The following KIF6 variants were observed in gnomAD, a reference collection of about 807,000 sequenced individuals.
KIF6 encodes the protein kinesin-like protein KIF6.
In KIF6, 106 loss-of-function variants were observed where a neutral mutation model predicts 112.7. The observed-to-expected ratio is 0.94, with a 90% CI of 0.80 to 1.11. The LOEUF (loss-of-function observed/expected upper bound fraction) is 1.11, where lower values mean the gene tolerates loss of function less well. Ranked by LOEUF, KIF6 falls within the 50% of genes least tolerant of loss-of-function variation. The pLI is 0.00. For synonymous variants in KIF6, 339 were observed against 339.9 expected, an observed-to-expected ratio of 1.00 and a Z score of 0.03; for missense variants, 929 against 964.0, an observed-to-expected ratio of 0.96 and a Z score of 0.48.
chr6:39,366,765 T>G (rs1262001471), intron 16 of KIF6, among the ~76,000 whole-genome samples: 1 of 151,852 alleles, frequency 6.6e-6, no homozygotes, highest in Non-Finnish European at 1.5e-5. Flanking sequence ...CTGAAGTCAG[T>G]GAAGAAACTG....
Position 39,357,744 on chromosome 6 carries a change from C to T in KIF6, c.2083-370G>A, listed in dbSNP as rs531761587. 1.7e-4 allele frequency among the ~76,000 whole-genome samples: 26 copies of T among 152,226 alleles called. No individual in the cohort carries two copies. In the South Asian group the frequency reaches 2.5e-3, roughly 15 times the overall value. ...GATTACAGGCATGAGCCACCATACCCGGCCTTGATGTAATTCTTAAGGGGA... is the reference window on the plus strand; with the variant it reads ...GATTACAGGCATGAGCCACCATACCTGGCCTTGATGTAATTCTTAAGGGGA... On this transcript the variant is annotated intron_variant, in intron 18 of 22. Coordinates refer to ENST00000287152, the MANE Select transcript of KIF6 (RefSeq NM_145027.6).
At chr6:39,517,704 A>C (rs946594215) in intron 13 of KIF6, among the ~76,000 whole-genome samples, 9 of 152,234 alleles carry the variant, frequency 5.9e-5, no homozygotes, top group Non-Finnish European at 1.2e-4. Flanking sequence ...TGAAGTTATA[A>C]AATGAATATG....
At chr6:39,362,647 C>T in intron 16 of KIF6, 129 bp from the exon 17 acceptor site, 3 of 711,582 alleles carry the variant, frequency 4.2e-6, no homozygotes, top group East Asian at 5.0e-5. Context: ...CTTCTGGGGC[C>T]TCTTGGTGGC....
At chr6:39,656,940 GT>G (rs1206626183) in intron 3 of KIF6, among the ~76,000 whole-genome samples, 1 of 152,052 alleles carries the variant, frequency 6.6e-6, no homozygotes, top group African/African-American at 2.4e-5. Flanking sequence ...TCATAAGATT[GT>G]GTTCTTTGGC....
At chr6:39,357,159 T>C (rs1183489320) in intron 19 of KIF6, 118 bp downstream of exon 19, 5 of 643,902 alleles carry the variant, frequency 7.8e-6, no homozygotes, top group Non-Finnish European at 1.4e-5. Flanking sequence ...TAAAAGGAAT[T>C]AATCCTGCTG....
chr6:39,591,932 G>A (rs968040818), intron 7 of KIF6, among the ~76,000 whole-genome samples: 6 of 152,064 alleles, frequency 3.9e-5, no homozygotes, highest in African/African-American at 1.2e-4. Flanking sequence ...CTAACATGGT[G>A]AAACCCCATC....
At chr6:39,346,646 T>C in intron 19 of KIF6, 120 bp from the exon 20 acceptor site, 1 of 537,670 alleles carries the variant, frequency 1.9e-6, no homozygotes, top group South Asian at 2.8e-5. Context: ...ACAGTAATTT[T>C]CTTTTTTTCT....
intron 19 of KIF6, among the ~76,000 whole-genome samples, chr6:39,349,887 C>T (rs1459165770): frequency 6.6e-6 from 1 of 152,086 alleles, no homozygotes; most frequent in East Asian, 1.9e-4. Context: ...CCTCGTGATC[C>T]ACCCACCTTG....
chr6:39,720,069 T>C (rs1291365811), intron 2 of KIF6, among the ~76,000 whole-genome samples: 1 of 152,224 alleles, frequency 6.6e-6, no homozygotes, highest in Admixed American at 6.5e-5. Flanking sequence ...TAACCAAAGT[T>C]AGAAGTTTCA....
intron 16 of KIF6, among the ~76,000 whole-genome samples, chr6:39,367,852 C>T (rs1282407221): frequency 6.6e-6 from 1 of 152,184 alleles, no homozygotes; most frequent in African/African-American, 2.4e-5. Context: ...TGGTTCTCAA[C>T]TGGGGGTGCA....
rs1413215416 is a variant in KIF6, at chr6:39,702,909, A to G, written c.251+11783T>C. On this transcript the variant is annotated intron_variant, in intron 3 of 22. Transcript: ENST00000287152. ...GAAGAAATGTCATTTGCATGCAAAAATTTGACAGAGCATGGGAGTTGGATG... is the reference window on the plus strand; with the variant it reads ...GAAGAAATGTCATTTGCATGCAAAAGTTTGACAGAGCATGGGAGTTGGATG... Among the ~76,000 whole-genome samples, 2 of 152,198 alleles carry G rather than the reference A, an allele frequency of 1.3e-5. 1 individual carries two copies. The highest frequency in any genetic ancestry group is 6.3e-3 in the Middle Eastern group (2 of 316).
chr6:39,505,386 A>C (rs970609300), intron 13 of KIF6, among the ~76,000 whole-genome samples: 8 of 152,284 alleles, frequency 5.3e-5, no homozygotes, highest in African/African-American at 1.7e-4. Context: ...AAACCCCAGA[A>C]CTATAAAAAC....
chr6:39,580,400 C>A (rs954282096), intron 9 of KIF6, among the ~76,000 whole-genome samples: 3 of 151,994 alleles, frequency 2.0e-5, no homozygotes, highest in African/African-American at 7.2e-5. Flanking sequence ...CTTGGATGTT[C>A]TATGTAAGCA....
intron 13 of KIF6, among the ~76,000 whole-genome samples, chr6:39,443,623 T>C (rs1772106540): frequency 6.6e-6 from 1 of 152,136 alleles, no homozygotes. Context: ...TTTGTATAAC[T>C]AGTAGCGATG....
chr6:39,579,918 A>T (rs991587735), intron 9 of KIF6, among the ~76,000 whole-genome samples: 4 of 151,890 alleles, frequency 2.6e-5, no homozygotes, highest in African/African-American at 9.7e-5. Context: ...AAATCTTAAG[A>T]AAGTTGGCAT....
chr6:39,716,348 C>T (rs1042044921), intron 2 of KIF6, among the ~76,000 whole-genome samples: 1 of 151,950 alleles, frequency 6.6e-6, no homozygotes, highest in Non-Finnish European at 1.5e-5. Flanking sequence ...TTTAAAATAG[C>T]AGGTGGTAGA....
chr6:39,364,327 G>T (rs1420959460), intron 16 of KIF6, among the ~76,000 whole-genome samples: 6 of 152,058 alleles, frequency 3.9e-5, no homozygotes, highest in African/African-American at 1.4e-4. Context: ...CACCATGTTG[G>T]CCAGGATGGT....
At chr6:39,584,649 C>A (rs540409449) in intron 9 of KIF6, among the ~76,000 whole-genome samples, 2 of 151,812 alleles carry the variant, frequency 1.3e-5, no homozygotes, top group Non-Finnish European at 2.9e-5. Context: ...GCGTGTGAAG[C>A]CTGACTCTGC....
chr6:39,634,824 C>A, intron 5 of KIF6, 25 bp downstream of exon 5: 1 of 1,274,842 alleles, frequency 7.8e-7, no homozygotes, highest in Non-Finnish European at 1.1e-6. Flanking sequence ...AATTTCCCTC[C>A]ATTCTTTGTT....
Sources: allele counts gnomAD v4.1 joint callset (sites outside exome capture counted in the v4.1 genomes callset), GRCh38; gene constraint gnomAD v4.1.1; transcripts MANE v1.5; gene names NCBI Gene and HGNC (gene_info 2026-07-23, HGNC 2026-07-21).